The following RBMS3 variants were observed in gnomAD, a reference collection of about 807,000 sequenced individuals.
RBMS3 encodes RNA binding motif single stranded interacting protein 3.
In RBMS3, 27 loss-of-function variants were observed where a neutral mutation model predicts 66.8. The observed-to-expected ratio is 0.40, with a 90% CI of 0.30 to 0.56. The LOEUF is 0.56. RBMS3 is among the 20% of genes least tolerant of loss of function. RBMS3 has a pLI of 0.40. For synonymous variants in RBMS3, 188 were observed against 183.0 expected (o/e 1.03, Z -0.22); for missense variants, 513 against 549.5 (o/e 0.93, Z 0.66).
intron 2 of RBMS3, among the ~76,000 whole-genome samples, chr3:29,450,338 C>T (rs2041972869): frequency 6.6e-6 from 1 of 152,174 alleles, no homozygotes; most frequent in Admixed American, 6.5e-5. Flanking sequence ...AGTCCTTTTA[C>T]CTGCCTAAGT....
intron 6 of RBMS3, among the ~76,000 whole-genome samples, chr3:29,825,060 A>G (rs1294136272): frequency 6.9e-6 from 1 of 145,514 alleles, no homozygotes; most frequent in Non-Finnish European, 1.5e-5. Flanking sequence ...TTTTTTTGAC[A>G]GTTTCGCTAT....
At chr3:29,617,877 G>A (rs2048722434) in intron 4 of RBMS3, among the ~76,000 whole-genome samples, 1 of 152,174 alleles carries the variant, frequency 6.6e-6, no homozygotes, top group South Asian at 2.1e-4. Flanking sequence ...AAACAAGGCA[G>A]AGAATGTCCC....
intron 12 of RBMS3, among the ~76,000 whole-genome samples, chr3:29,980,808 G>C (rs917236078): frequency 1.3e-5 from 2 of 152,178 alleles, no homozygotes; most frequent in Non-Finnish European, 2.9e-5. Context: ...TTTGGTACCA[G>C]TACTGTGCTG....
At chr3:29,565,230 G>A (rs1279495756) in intron 3 of RBMS3, among the ~76,000 whole-genome samples, 1 of 152,144 alleles carries the variant, frequency 6.6e-6, no homozygotes, top group Non-Finnish European at 1.5e-5. Context: ...GTGGTTGAAG[G>A]AGCTTATTGT....
rs1339340902 is a variant in RBMS3, at chr3:29,897,374, T to G, written c.792-5T>G. The G allele has an allele frequency of 3.7e-6, 6 of 1,609,844 alleles. No individual in the cohort carries two copies. The African/African-American group carries it at 8.0e-5, about 22-fold the overall frequency. On this transcript the variant is annotated splice_region_variant and splice_polypyrimidine_tract_variant and intron_variant, in intron 8 of 14. Transcript: ENST00000383767. Reference sequence around the variant, plus strand: ...TGAATCTTCCTTTTTGTTTTCTGTTTGCAGATTTTATTCTTCACCGTACAG... The same window carrying G: ...TGAATCTTCCTTTTTGTTTTCTGTTGGCAGATTTTATTCTTCACCGTACAG...
intron 3 of RBMS3, among the ~76,000 whole-genome samples, chr3:29,489,237 A>G (rs987556780): frequency 6.6e-6 from 1 of 152,166 alleles, no homozygotes; most frequent in Non-Finnish European, 1.5e-5. Context: ...TAGCACAGCC[A>G]CGTTCATTCT....
chr3:29,602,105 G>A (rs1057112611), intron 4 of RBMS3, among the ~76,000 whole-genome samples: 2 of 151,998 alleles, frequency 1.3e-5, no homozygotes, highest in South Asian at 4.1e-4. Context: ...CTTGCTGCGG[G>A]CAACTGAGTC....
At chr3:29,693,925 A>C (rs1323399072) in intron 4 of RBMS3, among the ~76,000 whole-genome samples, 1 of 152,188 alleles carries the variant, frequency 6.6e-6, no homozygotes, top group African/African-American at 2.4e-5. Flanking sequence ...ATTATTTTTC[A>C]AACACTGATT....
rs1010096323 is a variant in RBMS3 at position 29,635,937 on chromosome 3, G to A, written c.399+48732G>A. ...AAGGAAGAAACAGTGCCCACAGAAA[G>A]CAAAACTAAGAAATCCTGTTACAAT... On this transcript the variant is annotated intron_variant, in intron 4 of 14. Transcript: ENST00000383767. Among the ~76,000 whole-genome samples the A allele has an allele frequency of 8.6e-5, 13 of 151,850 alleles. No individual in the cohort carries two copies. In the South Asian group the frequency reaches 2.1e-3, roughly 24 times the overall value.
chr3:29,936,363 C>T (rs779365975), intron 11 of RBMS3, among the ~76,000 whole-genome samples, 167 bp downstream of exon 11: 6 of 152,130 alleles, frequency 3.9e-5, no homozygotes, highest in Admixed American at 6.6e-5. Flanking sequence ...ATGTTCAGTT[C>T]CAGGGCACAT....
At chr3:29,391,474 G>T (rs779888002) in intron 1 of RBMS3, among the ~76,000 whole-genome samples, 3 of 152,194 alleles carry the variant, frequency 2.0e-5, no homozygotes, top group Non-Finnish European at 4.4e-5. Flanking sequence ...ACTTCATGGA[G>T]AAGAGTTCAA....
chr3:29,673,000 C>T (rs1051704494), intron 4 of RBMS3, among the ~76,000 whole-genome samples: 3 of 150,424 alleles, frequency 2.0e-5, no homozygotes, highest in Non-Finnish European at 4.5e-5. Flanking sequence ...CCACATCGCA[C>T]TTATTACATT....
At chr3:29,699,254 A>AT (rs2052432806) in intron 4 of RBMS3, among the ~76,000 whole-genome samples, 1 of 152,138 alleles carries the variant, frequency 6.6e-6, no homozygotes. Flanking sequence ...GGTTCAAGCA[A>AT]TTCTCCTGCC....
At chr3:29,427,708 C>CA (rs963502102) in intron 1 of RBMS3, among the ~76,000 whole-genome samples, 1 of 152,058 alleles carries the variant, frequency 6.6e-6, no homozygotes, top group African/African-American at 2.4e-5. Context: ...AAAAAGAGTA[C>CA]AAATTCTATT....
intron 6 of RBMS3, among the ~76,000 whole-genome samples, chr3:29,835,255 T>C (rs532214643): frequency 2.4e-4 from 36 of 152,016 alleles, no homozygotes; most frequent in Middle Eastern, 3.4e-3. Context: ...TAAGAAAACA[T>C]TGGACTTTAA....
chr3:29,920,605 A>T (rs1360074321), intron 10 of RBMS3, among the ~76,000 whole-genome samples: 1 of 152,124 alleles, frequency 6.6e-6, no homozygotes, highest in Non-Finnish European at 1.5e-5. Flanking sequence ...CTTGGAATAT[A>T]ATTTTTTTTA....
chr3:29,297,464 C>A (rs1000477288), intron 1 of RBMS3, among the ~76,000 whole-genome samples: 2 of 151,834 alleles, frequency 1.3e-5, no homozygotes, highest in Non-Finnish European at 2.9e-5. Flanking sequence ...CAATGCTATT[C>A]ATTGAAACAT....
At chr3:29,531,770 T>G (rs538689066) in intron 3 of RBMS3, among the ~76,000 whole-genome samples, 118 of 152,292 alleles carry the variant, frequency 7.7e-4, no homozygotes, top group Non-Finnish European at 1.4e-3. Flanking sequence ...CCTCTATCCC[T>G]CTCAGTATTT....
At chr3:29,920,818 A>T (rs1337611455) in intron 10 of RBMS3, among the ~76,000 whole-genome samples, 1 of 150,738 alleles carries the variant, frequency 6.6e-6, no homozygotes, top group African/African-American at 2.5e-5. Context: ...TACTAAAAAT[A>T]CAAAAAATTA....
Sources: allele counts gnomAD v4.1 joint callset (sites outside exome capture counted in the v4.1 genomes callset), GRCh38; gene constraint gnomAD v4.1.1; transcripts MANE v1.5; gene names NCBI Gene and HGNC (gene_info 2026-07-23, HGNC 2026-07-21).